Variants in GABRB3 observed in about 807,000 individuals in gnomAD.
The protein encoded by GABRB3 is gamma-aminobutyric acid type A receptor subunit beta3, also known as gamma-aminobutyric acid receptor subunit beta-3.
GABRB3 carries 14 observed loss-of-function variants against 52.1 expected under a neutral mutation model. The ratio of observed to expected loss-of-function variants is 0.27; its 90% CI spans 0.18 to 0.42. GABRB3 has a LOEUF of 0.42. GABRB3 is among the 10% of genes least tolerant of loss of function. The probability of loss-of-function intolerance (pLI) is 1.00; values close to 1 mark genes in which losing one functional copy is unlikely to be tolerated. For missense variants in GABRB3, 307 were observed against 609.1 expected (o/e 0.50, Z 5.22); for synonymous variants, 260 against 232.3 (o/e 1.12, Z -1.08).
chr15:26,725,721 T>TGG (rs1430521610), intron 3 of GABRB3, among the ~76,000 whole-genome samples: 1 of 152,236 alleles, frequency 6.6e-6, no homozygotes, highest in African/African-American at 2.4e-5. Context: ...TGAGATATCC[T>TGG]GGGGATGGGA....
chr15:26,551,137 G>A (rs1175736101), intron 8 of GABRB3, among the ~76,000 whole-genome samples: 1 of 152,176 alleles, frequency 6.6e-6, no homozygotes, highest in Admixed American at 6.5e-5. Flanking sequence ...TACACCTAGT[G>A]CTGGGTGGAA....
intron 3 of GABRB3, among the ~76,000 whole-genome samples, chr15:26,664,714 T>TG (rs1357324860): frequency 1.4e-5 from 2 of 145,210 alleles, no homozygotes; most frequent in Non-Finnish European, 3.0e-5. Context: ...GTTTTTTTTT[T>TG]TTTTTTTTTG....
At chr15:26,615,410 G>A (rs1892218686) in intron 4 of GABRB3, 1 of 986,100 alleles carries the variant, frequency 1.0e-6, no homozygotes, top group Non-Finnish European at 1.2e-6. Context: ...GTCATATTCA[G>A]CTGAGCTCAA....
intron 4 of GABRB3, among the ~76,000 whole-genome samples, chr15:26,609,529 T>C (rs552729339): frequency 5.1e-4 from 77 of 152,320 alleles, no homozygotes; most frequent in African/African-American, 1.8e-3. Context: ...TTCCTTTTAT[T>C]GTATAAAGCT....
At chr15:26,737,033 C>T (rs1174251055) in intron 3 of GABRB3, among the ~76,000 whole-genome samples, 2 of 152,192 alleles carry the variant, frequency 1.3e-5, no homozygotes, top group African/African-American at 4.8e-5. Context: ...GTGGCACCAC[C>T]AGGCCTCCAG....
intron 3 of GABRB3, among the ~76,000 whole-genome samples, chr15:26,734,083 G>A (rs1240610916): frequency 7.3e-6 from 1 of 137,848 alleles, no homozygotes; most frequent in Non-Finnish European, 1.5e-5. Context: ...AGGCTGGAGT[G>A]CAATGGCATG....
At chr15:26,681,072 T>C (rs1277321280) in intron 3 of GABRB3, among the ~76,000 whole-genome samples, 1 of 152,226 alleles carries the variant, frequency 6.6e-6, no homozygotes, top group Non-Finnish European at 1.5e-5. Flanking sequence ...CTCTTCCTTT[T>C]AAAAATCGTA....
At chr15:26,613,374 G>A (rs139446887) in intron 4 of GABRB3, 1,539 of 152,230 alleles carry the variant, frequency 0.01, 15 homozygotes, top group Middle Eastern at 0.02. Context: ...TCACGCCACT[G>A]TACTCCAGCC....
intron 3 of GABRB3, among the ~76,000 whole-genome samples, chr15:26,752,554 C>T (rs1012367528): frequency 2.0e-5 from 3 of 152,016 alleles, no homozygotes; most frequent in African/African-American, 4.8e-5. Flanking sequence ...TGAGCCACCG[C>T]GCCCGGCCCC....
At chr15:26,732,077 G>A (rs547942540) in intron 3 of GABRB3, among the ~76,000 whole-genome samples, 1 of 151,970 alleles carries the variant, frequency 6.6e-6, no homozygotes, top group South Asian at 2.1e-4. Context: ...GTGGAAGGGT[G>A]CATGGGTGGA....
intron 8 of GABRB3, among the ~76,000 whole-genome samples, chr15:26,560,253 C>A (rs958498475): frequency 6.6e-6 from 1 of 152,112 alleles, no homozygotes; most frequent in East Asian, 1.9e-4. Flanking sequence ...GATCATCAAG[C>A]CTGCCCAAGT....
At chr15:26,568,684 G>GTTTTTTTTT (rs1890278876) in intron 6 of GABRB3, among the ~76,000 whole-genome samples, 1 of 133,670 alleles carries the variant, frequency 7.5e-6, no homozygotes, top group Non-Finnish European at 1.6e-5. Flanking sequence ...TTTTTTTTTG[G>GTTTTTTTTT]TTTTGTATGT....
intron 3 of GABRB3, among the ~76,000 whole-genome samples, chr15:26,640,940 A>C (rs1184662981): frequency 6.6e-6 from 1 of 152,218 alleles, no homozygotes; most frequent in African/African-American, 2.4e-5. Context: ...TGGTAATTTA[A>C]TCAGTCATGA....
At position 26,564,824 on chromosome 15, in the gene GABRB3, C is replaced by T. The variant is rs533271881; in HGVS notation, c.835+2757G>A. 5.1e-3 allele frequency among the ~76,000 whole-genome samples: 774 copies of T among 152,216 alleles called. 5 individuals are homozygous for T. Among genetic ancestry groups the T allele is most frequent in the Non-Finnish European group, 8.2e-3 (558 of 67,984 alleles). On this transcript the variant is annotated intron_variant, in intron 7 of 8. Coordinates refer to ENST00000311550, the MANE Select transcript of GABRB3 (RefSeq NM_000814.6). The stretch of plus-strand genomic sequence containing the variant: ...AATGTTTGGTTAGCTTTTTTCTTTT[C>T]TTAAACAAATCCATGACTTTTACAA...
In GABRB3 at chr15:26,547,098, A is replaced by C. The variant is rs1889276146; in HGVS notation, c.*695T>G. ...TGCCATTCACTCCCGATGAGTTTTC[A>C]AAAGACGGTCGTTCAGACATCAACG... is the stretch of plus-strand genomic sequence containing the variant. On this transcript the variant is annotated 3_prime_UTR_variant, in exon 9 of 9. Coordinates refer to ENST00000311550, the MANE Select transcript of GABRB3 (RefSeq NM_000814.6). The C allele has an allele frequency of 6.3e-6, 1 of 157,586 alleles. No homozygotes were observed. Among genetic ancestry groups the C allele is most frequent in the Non-Finnish European group, 1.4e-5 (1 of 71,924 alleles). The allele number at this position is 157,586 out of a possible 1,614,324, so 9.8% of individuals were successfully genotyped here. A position where few individuals can be genotyped will look rare whatever the true frequency, so the allele number is the denominator to read the frequency against.
chr15:26,724,384 C>A (rs1889718280), intron 3 of GABRB3, among the ~76,000 whole-genome samples: 1 of 152,134 alleles, frequency 6.6e-6, no homozygotes. Context: ...GATGCAAGGT[C>A]AGAAATGCCT....
At chr15:26,668,178 T>C (rs1337707057) in intron 3 of GABRB3, among the ~76,000 whole-genome samples, 2 of 152,124 alleles carry the variant, frequency 1.3e-5, no homozygotes, top group African/African-American at 4.8e-5. Context: ...AGGACCTACC[T>C]CACAGGTTTC....
chr15:26,749,239 T>A (rs996927334), intron 3 of GABRB3, among the ~76,000 whole-genome samples: 2 of 152,156 alleles, frequency 1.3e-5, no homozygotes, highest in African/African-American at 4.8e-5. Flanking sequence ...CATTCAGTAC[T>A]ATGTATCATT....
intron 3 of GABRB3, among the ~76,000 whole-genome samples, chr15:26,693,648 T>C (rs1390033202): frequency 6.6e-6 from 1 of 151,954 alleles, no homozygotes; most frequent in African/African-American, 2.4e-5. Context: ...TCTTATTAGA[T>C]CCATCCAAAA....
Sources: gnomAD v4.1 joint callset for allele counts (sites outside exome capture counted in the v4.1 genomes callset) on GRCh38, gnomAD v4.1.1 for gene constraint, MANE v1.5 for transcripts, NCBI Gene and HGNC (gene_info 2026-07-23, HGNC 2026-07-21) for gene names.